Variants in SDK1 observed in about 807,000 individuals in gnomAD.
The protein encoded by SDK1 is protein sidekick-1.
Under a neutral mutation model 245.5 loss-of-function variants are expected in SDK1, and 157 were observed. That is an observed-to-expected ratio of 0.64 (90% CI 0.56 to 0.73). SDK1 has a LOEUF of 0.73. Among genes scored for constraint, SDK1 ranks in the 30% least tolerant of loss-of-function variants. SDK1 has a pLI of 0.00. For missense variants in SDK1, 3,583 were observed against 3,002.3 expected, an observed-to-expected ratio of 1.19 and a Z score of -4.52; for synonymous variants, 1,647 against 1,278.5, an observed-to-expected ratio of 1.29 and a Z score of -6.15.
intron 1 of SDK1, among the ~76,000 whole-genome samples, chr7:3,345,463 C>A (rs555581288): frequency 3.3e-5 from 5 of 152,264 alleles, no homozygotes; most frequent in African/African-American, 1.2e-4. Flanking sequence ...GATATTAACA[C>A]ATTAAATATA....
intron 1 of SDK1, among the ~76,000 whole-genome samples, chr7:3,381,488 G>GA (rs1481921531): frequency 1.3e-5 from 2 of 152,128 alleles, no homozygotes; most frequent in Non-Finnish European, 2.9e-5. Context: ...GCAGGACAGA[G>GA]AGGGGGCGGG....
intron 4 of SDK1, among the ~76,000 whole-genome samples, chr7:3,716,586 C>A (rs556900499): frequency 2.6e-5 from 4 of 151,622 alleles, no homozygotes; most frequent in African/African-American, 9.7e-5. Flanking sequence ...GTAGTGAGAC[C>A]CCATTGCTAC....
chr7:3,716,912 A>T (rs1785219700), intron 4 of SDK1, among the ~76,000 whole-genome samples: 1 of 152,216 alleles, frequency 6.6e-6, no homozygotes, highest in African/African-American at 2.4e-5. Context: ...AGAAAGAAGA[A>T]CAAATAAGTG....
chr7:3,377,227 G>A (rs1174204755), intron 1 of SDK1, among the ~76,000 whole-genome samples: 1 of 152,146 alleles, frequency 6.6e-6, no homozygotes, highest in Admixed American at 6.5e-5. Flanking sequence ...CAGGGTTTGT[G>A]GCTGTGTGTC....
intron 1 of SDK1, among the ~76,000 whole-genome samples, chr7:3,359,383 CGTT>C (rs991154835): frequency 1.8e-4 from 28 of 152,094 alleles, no homozygotes; most frequent in African/African-American, 3.4e-4. Context: ...GTTAAGTTTT[CGTT>C]GTTGTTGTTA....
At chr7:3,825,783 A>T (rs904175619) in intron 5 of SDK1, among the ~76,000 whole-genome samples, 1 of 151,990 alleles carries the variant, frequency 6.6e-6, no homozygotes, top group Non-Finnish European at 1.5e-5. Context: ...CCCAGGTACA[A>T]CTCTCTCCTA....
At chr7:3,641,041 T>C (rs539383122) in intron 3 of SDK1, among the ~76,000 whole-genome samples, 14 of 152,260 alleles carry the variant, frequency 9.2e-5, no homozygotes, top group Admixed American at 2.6e-4. Flanking sequence ...AATTTCATTT[T>C]CTTTTGAAAA....
intron 4 of SDK1, among the ~76,000 whole-genome samples, chr7:3,680,803 A>C (rs866321979): frequency 6.6e-6 from 1 of 152,138 alleles, no homozygotes; most frequent in Non-Finnish European, 1.5e-5. Flanking sequence ...ATCCTGACTT[A>C]TGCGTTAGCC....
chr7:3,882,752 G>A (rs6462423), intron 5 of SDK1, among the ~76,000 whole-genome samples: 27,944 of 151,844 alleles, frequency 0.18, 2,726 homozygotes, highest in Middle Eastern at 0.28. Flanking sequence ...AGCCAACTTG[G>A]CAGGGTCTCT....
intron 2 of SDK1, among the ~76,000 whole-genome samples, chr7:3,629,118 C>G (rs1056409252): frequency 2.0e-5 from 3 of 151,336 alleles, no homozygotes; most frequent in Non-Finnish European, 4.4e-5. Context: ...TGGTGAAACC[C>G]CGTCTCTACT....
intron 4 of SDK1, among the ~76,000 whole-genome samples, chr7:3,698,951 C>G (rs1436566021): frequency 6.6e-6 from 1 of 152,132 alleles, no homozygotes; most frequent in Admixed American, 6.5e-5. Flanking sequence ...ACCTCCTACC[C>G]AGGAGAGACA....
intron 1 of SDK1, among the ~76,000 whole-genome samples, chr7:3,612,221 TC>T (rs1181310169): frequency 6.6e-6 from 1 of 152,050 alleles, no homozygotes; most frequent in East Asian, 1.9e-4. Context: ...CACCACCTAT[TC>T]CCCAAACACC....
chr7:3,839,817 T>C (rs1780114085), intron 5 of SDK1, among the ~76,000 whole-genome samples: 1 of 152,220 alleles, frequency 6.6e-6, no homozygotes, highest in Non-Finnish European at 1.5e-5. Flanking sequence ...CCAGTTTTTT[T>C]AACATTTAGT....
chr7:3,570,893 T>C (rs559743730), intron 1 of SDK1, among the ~76,000 whole-genome samples: 1 of 150,080 alleles, frequency 6.7e-6, no homozygotes. Flanking sequence ...TTGCTTACTT[T>C]TCATGCATGC....
chr7:3,894,651 A>G (rs1446855430), intron 5 of SDK1, among the ~76,000 whole-genome samples: 1 of 151,712 alleles, frequency 6.6e-6, no homozygotes. Flanking sequence ...GTGCTTCACT[A>G]TACACCAGGT....
At chr7:3,936,175 A>G (rs1228689301) in intron 5 of SDK1, among the ~76,000 whole-genome samples, 1 of 152,214 alleles carries the variant, frequency 6.6e-6, no homozygotes, top group African/African-American at 2.4e-5. Context: ...TCCATGAGTT[A>G]TCTAGAATCA....
At chr7:4,226,889 GA>G (rs1785478966) in intron 40 of SDK1, among the ~76,000 whole-genome samples, 1 of 151,632 alleles carries the variant, frequency 6.6e-6, no homozygotes. Flanking sequence ...AAGCAGCCAT[GA>G]AATACATATT....
chr7:3,317,621 G>A (rs1342749226), intron 1 of SDK1, among the ~76,000 whole-genome samples: 2 of 152,028 alleles, frequency 1.3e-5, no homozygotes, highest in South Asian at 2.1e-4. Context: ...TTCCCTACCT[G>A]TATTAAGATT....
intron 34 of SDK1, among the ~76,000 whole-genome samples, chr7:4,177,998 C>T (rs1034286547): frequency 6.6e-6 from 1 of 152,192 alleles, no homozygotes; most frequent in African/African-American, 2.4e-5. Flanking sequence ...AGATCCCTCG[C>T]ACGCGCAGTT....
Sources: gnomAD v4.1 joint callset for allele counts (sites outside exome capture counted in the v4.1 genomes callset) on GRCh38, gnomAD v4.1.1 for gene constraint, MANE v1.5 for transcripts, NCBI Gene and HGNC (gene_info 2026-07-23, HGNC 2026-07-21) for gene names.